Variants in ENOX1 observed in about 807,000 individuals in gnomAD.
The protein encoded by ENOX1 is ecto-NOX disulfide-thiol exchanger 1.
A neutral mutation model predicts 82.5 loss-of-function variants in ENOX1; 42 were observed. The observed-to-expected ratio is 0.51, with a 90% CI of 0.40 to 0.66. The LOEUF is 0.66. ENOX1 is among the 30% of genes least tolerant of loss of function. ENOX1 has a pLI of 0.00. For missense variants in ENOX1, 608 were observed against 811.6 expected (o/e 0.75, Z 3.05); for synonymous variants, 271 against 282.2 (o/e 0.96, Z 0.40).
At chr13:43,243,761 A>C (rs549535621) in intron 14 of ENOX1, among the ~76,000 whole-genome samples, 2 of 152,322 alleles carry the variant, frequency 1.3e-5, no homozygotes, top group African/African-American at 4.8e-5. Context: ...GATAACCTAC[A>C]GGAAAAAGTC....
chr13:43,220,690 G>C (rs777672746), intron 16 of ENOX1, among the ~76,000 whole-genome samples: 4 of 152,076 alleles, frequency 2.6e-5, no homozygotes, highest in Non-Finnish European at 5.9e-5. Context: ...AGTCAAGTGG[G>C]GAGTATTGTT....
intron 2 of ENOX1, among the ~76,000 whole-genome samples, chr13:43,555,765 C>T (rs2079405994): frequency 6.6e-6 from 1 of 152,148 alleles, no homozygotes. Flanking sequence ...CCTGGATGTG[C>T]TAAGAGTTTA....
intron 3 of ENOX1, among the ~76,000 whole-genome samples, chr13:43,465,277 GTTTA>G (rs2057669579): frequency 6.6e-6 from 1 of 152,084 alleles, no homozygotes; most frequent in Admixed American, 6.6e-5. Flanking sequence ...TTGTTCGATT[GTTTA>G]TTTATATTAG....
At chr13:43,597,180 A>G (rs149758429) in intron 2 of ENOX1, among the ~76,000 whole-genome samples, 36 of 152,274 alleles carry the variant, frequency 2.4e-4, no homozygotes, top group African/African-American at 8.7e-4. Flanking sequence ...CACTATTATG[A>G]GAAGAGCAAA....
At chr13:43,297,769 C>T (rs2046356704) in intron 12 of ENOX1, among the ~76,000 whole-genome samples, 1 of 152,178 alleles carries the variant, frequency 6.6e-6, no homozygotes, top group Non-Finnish European at 1.5e-5. Context: ...GTCTGGCACT[C>T]TTCAACAAAA....
At chr13:43,263,975 A>C (rs1378179433) in intron 14 of ENOX1, among the ~76,000 whole-genome samples, 2 of 152,158 alleles carry the variant, frequency 1.3e-5, no homozygotes, top group African/African-American at 4.8e-5. Flanking sequence ...GCCTATGGGG[A>C]GCTCTGTATG....
At chr13:43,653,760 C>T (rs1410728170) in intron 2 of ENOX1, among the ~76,000 whole-genome samples, 1 of 105,754 alleles carries the variant, frequency 9.5e-6, no homozygotes, top group African/African-American at 3.4e-5. Context: ...TTTCCCATAC[C>T]TACTCTTCTT....
chr13:43,684,083 G>A (rs1040100934), intron 1 of ENOX1, among the ~76,000 whole-genome samples: 34 of 91,584 alleles, frequency 3.7e-4, no homozygotes, highest in Middle Eastern at 9.4e-3. Flanking sequence ...GCGAAAGAGC[G>A]AGACTCTGTC....
chr13:43,349,674 T>C (rs535631480), intron 8 of ENOX1, among the ~76,000 whole-genome samples: 42 of 152,320 alleles, frequency 2.8e-4, no homozygotes, highest in African/African-American at 9.4e-4. Context: ...GAATCTGCAT[T>C]TTACTCCAGG....
chr13:43,659,265 G>A (rs2153783861), intron 2 of ENOX1, among the ~76,000 whole-genome samples: 1 of 152,158 alleles, frequency 6.6e-6, no homozygotes, highest in South Asian at 2.1e-4. Context: ...GAGGCAGGTG[G>A]ATCATTTGAG....
At chr13:43,271,540 G>C (rs2044682703) in intron 12 of ENOX1, among the ~76,000 whole-genome samples, 1 of 151,948 alleles carries the variant, frequency 6.6e-6, no homozygotes, top group East Asian at 1.9e-4. Context: ...GATCGGGGAA[G>C]AACAAAGAGA....
At chr13:43,433,906 A>T (rs936733756) in intron 3 of ENOX1, among the ~76,000 whole-genome samples, 1 of 152,190 alleles carries the variant, frequency 6.6e-6, no homozygotes, top group East Asian at 1.9e-4. Flanking sequence ...ATTACCCATT[A>T]CTTGTACCTG....
intron 2 of ENOX1, among the ~76,000 whole-genome samples, chr13:43,666,242 T>C (rs575847979): frequency 4.4e-4 from 67 of 152,196 alleles, no homozygotes; most frequent in Non-Finnish European, 9.1e-4. Flanking sequence ...TCTGCAAAGC[T>C]CAATAAAACC....
intron 12 of ENOX1, among the ~76,000 whole-genome samples, chr13:43,281,986 A>C (rs2045411262): frequency 6.6e-6 from 1 of 152,186 alleles, no homozygotes; most frequent in African/African-American, 2.4e-5. Context: ...TAATCTGGGA[A>C]GGTTAAAAAA....
intron 12 of ENOX1, among the ~76,000 whole-genome samples, chr13:43,284,910 A>G (rs1189519974): frequency 6.6e-6 from 1 of 152,038 alleles, no homozygotes; most frequent in Non-Finnish European, 1.5e-5. Context: ...AGGCAATTAT[A>G]AAAGAGGAGA....
intron 1 of ENOX1, among the ~76,000 whole-genome samples, chr13:43,771,924 GC>G (rs1350590213): frequency 7.0e-6 from 1 of 141,890 alleles, no homozygotes; most frequent in African/African-American, 2.6e-5. Flanking sequence ...CTGCCACCAC[GC>G]CCGGCTAATT....
intron 12 of ENOX1, among the ~76,000 whole-genome samples, chr13:43,281,990 T>TA (rs1308930249): frequency 5.6e-4 from 85 of 152,262 alleles, no homozygotes; most frequent in Non-Finnish European, 1.3e-4. Context: ...CTGGGAAGGT[T>TA]AAAAAAATCA....
chr13:43,438,540 A>ATC (rs2056169333), intron 3 of ENOX1, among the ~76,000 whole-genome samples: 1 of 152,196 alleles, frequency 6.6e-6, no homozygotes. Context: ...CACTTAAAGG[A>ATC]TTAGTTTAGT....
chr13:43,284,042 C>G (rs1244147620), intron 12 of ENOX1, among the ~76,000 whole-genome samples: 1 of 152,094 alleles, frequency 6.6e-6, no homozygotes, highest in Non-Finnish European at 1.5e-5. Flanking sequence ...TACAATACCA[C>G]TCTTTTGACA....
Sources: allele counts gnomAD v4.1 joint callset (sites outside exome capture counted in the v4.1 genomes callset), GRCh38; gene constraint gnomAD v4.1.1; transcripts MANE v1.5; gene names NCBI Gene and HGNC (gene_info 2026-07-23, HGNC 2026-07-21).